ZNF507: variants seen among roughly 807,000 people sequenced by gnomAD.
The protein encoded by ZNF507 is zinc finger protein 507.
ZNF507 carries 29 observed loss-of-function variants against 80.0 expected under a neutral mutation model. That is an observed-to-expected ratio of 0.36 (90% CI 0.27 to 0.49). The LOEUF (loss-of-function observed/expected upper bound fraction) is 0.49, where lower values mean the gene tolerates loss of function less well. Among genes scored for constraint, ZNF507 ranks in the 20% least tolerant of loss-of-function variants. The probability of loss-of-function intolerance (pLI) is 0.98; values close to 1 mark genes in which losing one functional copy is unlikely to be tolerated. For missense variants in ZNF507, 1,081 were observed against 1,152.2 expected (o/e 0.94, Z 0.90); for synonymous variants, 462 against 422.5 (o/e 1.09, Z -1.15).
In ZNF507 at chr19:32,383,224, C is replaced by A; in HGVS notation, c.*141C>A. The A allele has an allele frequency of 1.8e-6, 2 of 1,113,452 alleles. No individual in the cohort carries two copies. Among genetic ancestry groups the A allele is most frequent in the Non-Finnish European group, 2.5e-6 (2 of 792,458 alleles). The allele number at this position is 1,113,452 out of a possible 1,614,324, so 69.0% of individuals were successfully genotyped here. A position where few individuals can be genotyped will look rare whatever the true frequency, so the allele number is the denominator to read the frequency against. On this transcript the variant is annotated 3_prime_UTR_variant, in exon 7 of 7. Transcript: ENST00000355898. ...GGAAATGACAGATGTGACTTTGGAA[C>A]CAAACTTGTAATAAAAGGAATTCCA...
At chr19:32,351,418 G>GCTGTGTGTGTGTGTGT (rs1967161530) in intron 2 of ZNF507, among the ~76,000 whole-genome samples, 2 of 48,856 alleles carry the variant, frequency 4.1e-5, no homozygotes, top group Admixed American at 4.0e-4. Flanking sequence ...AAGCTGGTCA[G>GCTGTGTGTGTGTGTGT]CTGTGTGTGT....
chr19:32,367,645 A>T (rs1230457930), intron 5 of ZNF507, among the ~76,000 whole-genome samples: 1 of 152,238 alleles, frequency 6.6e-6, no homozygotes, highest in Non-Finnish European at 1.5e-5. Flanking sequence ...ATACAGAAAT[A>T]AAAATGTGTG....
intron 2 of ZNF507, among the ~76,000 whole-genome samples, chr19:32,350,408 G>A (rs1193357329): frequency 6.6e-6 from 1 of 152,188 alleles, no homozygotes; most frequent in Non-Finnish European, 1.5e-5. Flanking sequence ...GAAAATTGGA[G>A]CATCTGCTGC....
At chr19:32,370,091 T>C (rs1265739526) in intron 5 of ZNF507, among the ~76,000 whole-genome samples, 1 of 152,266 alleles carries the variant, frequency 6.6e-6, no homozygotes, top group Non-Finnish European at 1.5e-5. Context: ...TGAGTATGTG[T>C]GTGTGCGTGC....
At chr19:32,382,319 A>G in intron 5 of ZNF507, 148 bp from the exon 6 acceptor site, 1 of 996,548 alleles carries the variant, frequency 1.0e-6, no homozygotes, top group Non-Finnish European at 1.5e-6. Flanking sequence ...TGTACCTCTT[A>G]GAATCAGTAA....
chr19:32,359,312 G>A (rs919215437), intron 4 of ZNF507: 2 of 152,088 alleles, frequency 1.3e-5, no homozygotes, highest in African/African-American at 4.8e-5. Flanking sequence ...TTTAGAAACC[G>A]TAAATTTAAC....
chr19:32,348,681 A>T (rs2145311067), intron 2 of ZNF507, among the ~76,000 whole-genome samples: 1 of 152,330 alleles, frequency 6.6e-6, no homozygotes, highest in Middle Eastern at 3.4e-3. Flanking sequence ...ACTTTTGTTT[A>T]TTACTTATTT....
At chr19:32,381,580 C>A (rs1967623088) in intron 5 of ZNF507, among the ~76,000 whole-genome samples, 1 of 152,036 alleles carries the variant, frequency 6.6e-6, no homozygotes, top group Non-Finnish European at 1.5e-5. Flanking sequence ...TGCACTCCAG[C>A]CTGGGAGACA....
intron 5 of ZNF507, among the ~76,000 whole-genome samples, chr19:32,376,293 C>G (rs1338474752): frequency 4.0e-5 from 6 of 151,654 alleles, no homozygotes; most frequent in African/African-American, 1.5e-4. Flanking sequence ...TTCTAATTTT[C>G]TACAGCGAAT....
Position 32,345,622 on chromosome 19 carries a change from C to G in ZNF507, c.-258C>G, listed in dbSNP as rs929193863. 1 of 152,516 alleles carries G rather than the reference C, an allele frequency of 6.6e-6. No homozygotes were observed. The highest frequency in any genetic ancestry group is 1.5e-5 in the Non-Finnish European group (1 of 68,316). The allele number at this position is 152,516 out of a possible 1,614,324, so 9.4% of individuals were successfully genotyped here. ...CCACCCGCGGCTCACGTGATCCGTCCCCAGCGCCGCCATTTTGGAGCTCCG... is the reference window on the plus strand; with the variant it reads ...CCACCCGCGGCTCACGTGATCCGTCGCCAGCGCCGCCATTTTGGAGCTCCG... On this transcript the variant is annotated 5_prime_UTR_variant, in exon 1 of 7. Transcript: ENST00000355898.
intron 4 of ZNF507, chr19:32,359,571 G>A (rs1967294261): frequency 6.6e-6 from 1 of 152,166 alleles, no homozygotes; most frequent in African/African-American, 2.4e-5. Flanking sequence ...ATATCTTCAA[G>A]AAATCGTTTT....
chr19:32,358,579 C>T (rs74534180), intron 4 of ZNF507: 1 of 152,318 alleles, frequency 6.6e-6, no homozygotes, highest in East Asian at 1.9e-4. Flanking sequence ...CAGCAGATAC[C>T]GCAGGAGCTC....
intron 1 of ZNF507, among the ~76,000 whole-genome samples, 156 bp from the exon 2 acceptor site, chr19:32,347,089 A>G (rs1222379917): frequency 6.6e-6 from 1 of 152,148 alleles, no homozygotes; most frequent in East Asian, 1.9e-4. Flanking sequence ...AATTATTTAA[A>G]TTTGCATTAC....
Position 32,354,649 on chromosome 19 carries a change from AT to A in ZNF507, c.1823del (p.Leu608Ter). ...AGACCAAAACGCTTCAGACGATGAC[AT>A]TTTGAAAGAGTTGCAGGACAACGCC... ...RTDQNASDDD[I>X]LKELQDNAQC... On this transcript the variant is annotated frameshift_variant, in exon 3 of 7. Transcript: ENST00000355898. LOFTEE classifies it high-confidence loss of function. 1 of 1,614,160 alleles carries A rather than the reference AT, an allele frequency of 6.2e-7. No homozygotes were observed. Among genetic ancestry groups the A allele is most frequent in the Non-Finnish European group, 8.5e-7 (1 of 1,180,026 alleles).
rs10402163 is a variant in ZNF507 at position 32,375,011 on chromosome 19, G to A, written c.2361-7456G>A. Among the ~76,000 whole-genome samples the A allele has an allele frequency of 1.8e-3, 272 of 152,162 alleles. 2 individuals carry two copies. Among genetic ancestry groups the A allele is most frequent in the African/African-American group, 6.2e-3 (256 of 41,494 alleles). On this transcript the variant is annotated intron_variant, in intron 5 of 6. Coordinates refer to ENST00000355898, the MANE Select transcript of ZNF507 (RefSeq NM_001136156.2). ...TTTGTAGAGAAGTTTTATTAGGAAT[G>A]TATATTGGGTTAGGTGCTATTGGTT... is the stretch of plus-strand genomic sequence containing the variant.
chr19:32,349,916 A>G (rs559713307), intron 2 of ZNF507, among the ~76,000 whole-genome samples: 6 of 152,332 alleles, frequency 3.9e-5, no homozygotes, highest in Admixed American at 2.6e-4. Context: ...CTGCAGTATC[A>G]CCAAGGTAAT....
At position 32,382,877 on chromosome 19, in the gene ZNF507, A is replaced by G; in HGVS notation, c.2656A>G (p.Thr886Ala). ...CAACGAGAATGAGAAACTGAGCCCT[A>G]CAAGTAATACCTCATATAGTTTAGA... ...GTNENEKLSPTSNTSYSLEKI... is the reference protein window; with the variant it reads ...GTNENEKLSPASNTSYSLEKI... The change falls in exon 7 of 7, where the codon ACA (threonine) becomes GCA (alanine). Residue 886 changes from threonine to alanine, a missense_variant. By Grantham distance (58) the Thr-to-Ala change is moderately conservative. This residue lies in a region of ZNF507 where 138 missense variants were observed against 158.4 expected (regional missense o/e 0.87). Transcript: ENST00000355898. The G allele has an allele frequency of 6.2e-7, 1 of 1,614,132 alleles. No individual in the cohort carries two copies. Among genetic ancestry groups the G allele is most frequent in the Non-Finnish European group, 8.5e-7 (1 of 1,180,024 alleles).
At chr19:32,380,499 G>C (rs1967609461) in intron 5 of ZNF507, 1 of 1,090,128 alleles carries the variant, frequency 9.2e-7, no homozygotes, top group Non-Finnish European at 1.3e-6. Flanking sequence ...TTGGAGGTGG[G>C]TGAGAAAAAG....
At chr19:32,367,124 C>T (rs1053221295) in intron 5 of ZNF507, among the ~76,000 whole-genome samples, 1 of 152,136 alleles carries the variant, frequency 6.6e-6, no homozygotes, top group Non-Finnish European at 1.5e-5. Context: ...CCAGTCATGA[C>T]AGAGGTGAAG....
Sources: gnomAD v4.1 joint callset for allele counts (sites outside exome capture counted in the v4.1 genomes callset) on GRCh38, gnomAD v4.1.1 for gene constraint, gnomAD v4.1.1 regional missense constraint, MANE v1.5 for transcripts, NCBI Gene and HGNC (gene_info 2026-07-23, HGNC 2026-07-21) for gene names.